Variants in ST7 observed in about 807,000 individuals in gnomAD.
The protein encoded by ST7 is suppressor of tumorigenicity 7 protein.
In ST7, 28 loss-of-function variants were observed where a neutral mutation model predicts 78.7. The observed-to-expected ratio is 0.36, with a 90% CI of 0.26 to 0.49. ST7 has a LOEUF of 0.49. Ranked by LOEUF, ST7 falls within the 20% of genes least tolerant of loss-of-function variation. The probability of loss-of-function intolerance (pLI) is 0.99; values close to 1 mark genes in which losing one functional copy is unlikely to be tolerated. For synonymous variants in ST7, 247 were observed against 249.6 expected (o/e 0.99, Z 0.10); for missense variants, 418 against 696.0 (o/e 0.60, Z 4.49).
intron 9 of ST7, among the ~76,000 whole-genome samples, chr7:117,164,837 T>C (rs1807415326): frequency 6.7e-6 from 1 of 149,676 alleles, no homozygotes; most frequent in Non-Finnish European, 1.5e-5. Context: ...ACTTGCAGCC[T>C]TTATTGTTTT....
intron 1 of ST7, among the ~76,000 whole-genome samples, chr7:116,975,985 G>A (rs114613177): frequency 0.12 from 18,769 of 152,006 alleles, 1,336 homozygotes; most frequent in East Asian, 0.3. Context: ...ACAAGGCTGG[G>A]CATGGTGGCT....
chr7:117,207,132 C>A (rs966729441), intron 12 of ST7, among the ~76,000 whole-genome samples: 3 of 146,746 alleles, frequency 2.0e-5, no homozygotes, highest in Non-Finnish European at 4.5e-5. Flanking sequence ...TGCCCTGCCT[C>A]CTGCTAGTTT....
chr7:117,161,353 G>T (rs1192881188), intron 9 of ST7, among the ~76,000 whole-genome samples: 1 of 151,894 alleles, frequency 6.6e-6, no homozygotes, highest in Non-Finnish European at 1.5e-5. Flanking sequence ...TAGTTGCACT[G>T]CTTAGAATTT....
chr7:117,224,363 A>G (rs560648671), intron 15 of ST7, among the ~76,000 whole-genome samples: 8 of 152,188 alleles, frequency 5.3e-5, no homozygotes, highest in Non-Finnish European at 8.8e-5. Context: ...TTCTACACCC[A>G]TTATCACCCA....
At chr7:117,100,078 C>G (rs1174232187) in intron 2 of ST7, among the ~76,000 whole-genome samples, 1 of 151,924 alleles carries the variant, frequency 6.6e-6, no homozygotes, top group Non-Finnish European at 1.5e-5. Context: ...AGGGGAAAAA[C>G]AAATGTAAAT....
intron 10 of ST7, among the ~76,000 whole-genome samples, chr7:117,182,275 A>G (rs542295990): frequency 6.6e-6 from 1 of 152,310 alleles, no homozygotes; most frequent in East Asian, 1.9e-4. Context: ...GATAATGTAT[A>G]TAACTGATTA....
At chr7:117,057,802 G>A (rs1798139355) in intron 1 of ST7, among the ~76,000 whole-genome samples, 1 of 152,052 alleles carries the variant, frequency 6.6e-6, no homozygotes, top group Admixed American at 6.5e-5. Flanking sequence ...TATGAACATG[G>A]GCCTGTCATA....
chr7:117,113,937 A>G (rs1015854264), intron 2 of ST7, among the ~76,000 whole-genome samples: 2 of 152,128 alleles, frequency 1.3e-5, no homozygotes, highest in Non-Finnish European at 2.9e-5. Flanking sequence ...CATAGTAGTT[A>G]ATGCTGCGGT....
At chr7:116,958,981 C>A (rs1792680525) in intron 1 of ST7, among the ~76,000 whole-genome samples, 6 of 152,166 alleles carry the variant, frequency 3.9e-5, no homozygotes. Flanking sequence ...GTAAAGTTTG[C>A]CACATGGATT....
chr7:117,066,654 G>A (rs1356868000), intron 1 of ST7, among the ~76,000 whole-genome samples: 2 of 151,548 alleles, frequency 1.3e-5, no homozygotes, highest in African/African-American at 2.4e-5. Flanking sequence ...CCAGCTACTC[G>A]GGAGGCTGAG....
Position 117,026,880 on chromosome 7 carries a change from G to C in ST7, c.152-72882G>C, listed in dbSNP as rs548824842. On this transcript the variant is annotated intron_variant, in intron 1 of 15. Coordinates refer to ENST00000323984, the MANE Select transcript of ST7 (RefSeq NM_001369598.1). The stretch of plus-strand genomic sequence containing the variant: ...GCTGGGTGAAGACTGGAAGTTGTAT[G>C]ATGGGAATATTTTAAGGGACCCAAT... Among the ~76,000 whole-genome samples, 4 of 152,306 alleles carry C rather than the reference G, an allele frequency of 2.6e-5. 1 individual carries two copies. Among genetic ancestry groups the C allele is most frequent in the African/African-American group, 9.6e-5 (4 of 41,564 alleles).
At chr7:117,016,525 T>A (rs1795624329) in intron 1 of ST7, among the ~76,000 whole-genome samples, 1 of 152,148 alleles carries the variant, frequency 6.6e-6, no homozygotes, top group African/African-American at 2.4e-5. Context: ...TTTATATATG[T>A]ATAATTGATA....
intron 1 of ST7, among the ~76,000 whole-genome samples, chr7:117,018,843 G>A (rs920734882): frequency 6.6e-6 from 1 of 152,190 alleles, no homozygotes; most frequent in African/African-American, 2.4e-5. Flanking sequence ...CGCAACAGAT[G>A]ATTTGTTCTT....
chr7:116,957,849 C>G (rs1483611911), intron 1 of ST7, among the ~76,000 whole-genome samples: 3 of 152,186 alleles, frequency 2.0e-5, no homozygotes, highest in Non-Finnish European at 4.4e-5. Context: ...GGCAACTTTG[C>G]TGTTTTTGCA....
chr7:117,161,970 T>C (rs1807194897), intron 9 of ST7, among the ~76,000 whole-genome samples: 1 of 152,178 alleles, frequency 6.6e-6, no homozygotes, highest in African/African-American at 2.4e-5. Context: ...GTGTGCATTT[T>C]TGGATTTAAT....
In ST7 at chr7:117,145,157, A is replaced by G. The variant is rs116071959; in HGVS notation, c.963+6625A>G. Among the ~76,000 whole-genome samples, 764 of 152,242 alleles carry G rather than the reference A, an allele frequency of 5.0e-3. 7 individuals carry two copies. The highest frequency in any genetic ancestry group is 0.018 in the African/African-American group (732 of 41,534). On this transcript the variant is annotated intron_variant, in intron 9 of 15. Transcript: ENST00000323984. ...GAAGTTAAGGCTGCAGTGAGCCATGATTGTGCTACTGCATTCCAGCCTGGG... is the reference window on the plus strand; with the variant it reads ...GAAGTTAAGGCTGCAGTGAGCCATGGTTGTGCTACTGCATTCCAGCCTGGG...
At chr7:116,959,952 G>T (rs1287415788) in intron 1 of ST7, 1 of 153,946 alleles carries the variant, frequency 6.5e-6, no homozygotes, top group Non-Finnish European at 1.5e-5. Flanking sequence ...ATAATACATG[G>T]ACTTAATGAG....
At position 117,219,038 on chromosome 7, in the gene ST7, T is replaced by C. The variant is rs371276873; in HGVS notation, c.1406-46T>C. On this transcript the variant is annotated intron_variant, in intron 13 of 15. Transcript: ENST00000323984. This position sits in a 1 kb window ranked among gnomAD's most constrained non-coding sequence, Gnocchi z 5.1. Reference sequence around the variant, plus strand: ...GCCCCTTTTTGCAGTTGGGAAGTTATGACACAAACATTGGACATCTCTGAC... The same window carrying C: ...GCCCCTTTTTGCAGTTGGGAAGTTACGACACAAACATTGGACATCTCTGAC... 4 of 1,520,214 alleles carry C rather than the reference T, an allele frequency of 2.6e-6. No individual in the cohort carries two copies. Among genetic ancestry groups the C allele is most frequent in the East Asian group, 2.3e-5 (1 of 43,854 alleles). The allele number at this position is 1,520,214 out of a possible 1,614,324, so 94.2% of individuals were successfully genotyped here.
intron 1 of ST7, among the ~76,000 whole-genome samples, chr7:116,973,947 T>A (rs1057314285): frequency 2.0e-5 from 3 of 152,234 alleles, no homozygotes; most frequent in African/African-American, 7.2e-5. Context: ...GTGTTATCAA[T>A]AGTAATGGGA....
Sources: gnomAD v4.1 joint callset for allele counts (sites outside exome capture counted in the v4.1 genomes callset) on GRCh38, gnomAD v4.1.1 for gene constraint, Gnocchi (gnomAD v3.1) non-coding constraint, MANE v1.5 for transcripts, NCBI Gene and HGNC (gene_info 2026-07-23, HGNC 2026-07-21) for gene names.